Variants in NAA35 observed in about 807,000 individuals in gnomAD.
NAA35 encodes MAK10 homolog, amino-acid N-acetyltransferase subunit.
In NAA35, 18 loss-of-function variants were observed where a neutral mutation model predicts 101.7. The observed-to-expected ratio is 0.18, with a 90% CI of 0.12 to 0.26. The LOEUF (loss-of-function observed/expected upper bound fraction) is 0.26. Among genes scored for constraint, NAA35 ranks in the 10% least tolerant of loss-of-function variants. The pLI, the probability that NAA35 is intolerant of heterozygous loss-of-function variation, is 1.00. For synonymous variants in NAA35, 267 were observed against 273.1 expected, an observed-to-expected ratio of 0.98 and a Z score of 0.22; for missense variants, 601 against 886.8, an observed-to-expected ratio of 0.68 and a Z score of 4.09.
intron 18 of NAA35, 50 bp from the exon 19 acceptor site, chr9:86,017,447 GA>G: frequency 6.5e-7 from 1 of 1,537,864 alleles, no homozygotes; most frequent in Non-Finnish European, 8.9e-7. Context: ...AGTAATGCAA[GA>G]GGGAGGAGGA....
In NAA35 at chr9:85,941,537, G is replaced by C. The variant is rs1828514435; in HGVS notation, c.-6+264G>C. The C allele has an allele frequency of 9.1e-6, 9 of 985,458 alleles. No individual in the cohort carries two copies. In the South Asian group the frequency reaches 1.4e-4, roughly 15 times the overall value. 61.0% of individuals were successfully genotyped at this position (985,458 alleles called of 1,614,324 possible). Reference sequence around the variant, plus strand: ...GCGACAGCTCTGTCCTTGCTTATGCGCCCAGTGGGACCGGGGCTGGGCTGG... The same window carrying C: ...GCGACAGCTCTGTCCTTGCTTATGCCCCCAGTGGGACCGGGGCTGGGCTGG... On this transcript the variant is annotated intron_variant, in intron 1 of 22. Transcript: ENST00000361671.
rs532861826 is a variant in NAA35 at position 85,953,361 on chromosome 9, A to G, written c.125-2999A>G. ...CTTGTGAAGCTAAAATTCTCTATCCATTAAACAAACGGTAACTCTTCATCA... is the reference window on the plus strand; with the variant it reads ...CTTGTGAAGCTAAAATTCTCTATCCGTTAAACAAACGGTAACTCTTCATCA... On this transcript the variant is annotated intron_variant, in intron 2 of 22. Transcript: ENST00000361671. Among the ~76,000 whole-genome samples, 3 of 151,976 alleles carry G rather than the reference A, an allele frequency of 2.0e-5. No individual in the cohort carries two copies. In the South Asian group the frequency reaches 6.2e-4, roughly 32 times the overall value.
chr9:86,007,713 G>A (rs369958421), intron 14 of NAA35, among the ~76,000 whole-genome samples: 3 of 152,100 alleles, frequency 2.0e-5, no homozygotes, highest in Non-Finnish European at 2.9e-5. Flanking sequence ...AAACTTTGCC[G>A]TAGTAGAGGC....
chr9:85,946,978 C>T (rs1184907409), intron 2 of NAA35, among the ~76,000 whole-genome samples: 3 of 152,192 alleles, frequency 2.0e-5, no homozygotes, highest in African/African-American at 4.8e-5. Flanking sequence ...TATCTTCTCT[C>T]ACCCAGAACA....
intron 2 of NAA35, among the ~76,000 whole-genome samples, chr9:85,955,341 TATATATATATATA>T (rs1829199936): frequency 1.4e-5 from 1 of 69,694 alleles, no homozygotes; most frequent in African/African-American, 6.4e-5. Context: ...TATATATATA[TATATATATATATA>T]TATATATTTT....
intron 12 of NAA35, among the ~76,000 whole-genome samples, chr9:85,997,887 T>A (rs749564073): frequency 4.7e-4 from 72 of 152,092 alleles, no homozygotes; most frequent in Non-Finnish European, 9.1e-4. Context: ...ACATATATAT[T>A]TATGTATGTG....
Position 86,007,365 on chromosome 9 carries a change from T to C in NAA35, c.1124T>C (p.Phe375Ser), listed in dbSNP as rs145858134. ...VLSRSLLQTT[F>S]LVDNKKVFGT... ...TATAACATTTGTTTTAAGACCACTT[T>C]CCTGGTGGATAACAAAAAGGTCTTT... Residue 375 changes from phenylalanine to serine, a missense_variant, in exon 14 of 23, where the codon TTC becomes TCC. Physicochemically the swap from Phe to Ser is radical, Grantham distance 155 (BLOSUM62 -2). Coordinates refer to ENST00000361671, the MANE Select transcript of NAA35 (RefSeq NM_024635.4). The C allele has an allele frequency of 1.4e-5, 22 of 1,612,494 alleles. No homozygotes were observed. The African/African-American group carries it at 2.3e-4, about 17-fold the overall frequency.
chr9:86,017,396 A>G, intron 18 of NAA35, 102 bp from the exon 19 acceptor site: 1 of 997,420 alleles, frequency 1.0e-6, no homozygotes, highest in Non-Finnish European at 1.5e-6. Flanking sequence ...TTAATTTAGT[A>G]TACAAGCTGA....
chr9:85,953,284 A>G (rs897500416), intron 2 of NAA35, among the ~76,000 whole-genome samples: 1 of 149,220 alleles, frequency 6.7e-6, no homozygotes, highest in African/African-American at 2.5e-5. Flanking sequence ...GGTATTTAAT[A>G]CATTTGTAAT....
chr9:86,021,226 A>G (rs945393893), intron 22 of NAA35, among the ~76,000 whole-genome samples: 1 of 152,182 alleles, frequency 6.6e-6, no homozygotes, highest in Admixed American at 6.5e-5. Context: ...CTTGGGGTAA[A>G]AAAAGAAAAT....
intron 5 of NAA35, 110 bp downstream of exon 5, chr9:85,959,977 G>T: frequency 2.8e-6 from 2 of 705,708 alleles, no homozygotes; most frequent in East Asian, 2.7e-5. Context: ...TGTAATACTT[G>T]CCCTAGTAAA....
At chr9:85,941,390 T>C in intron 1 of NAA35, 117 bp downstream of exon 1, 1 of 985,370 alleles carries the variant, frequency 1.0e-6, no homozygotes, top group East Asian at 1.1e-4. Flanking sequence ...GCCCCGGCCC[T>C]CCCGCTGCGC....
At chr9:85,984,764 A>G (rs973360635) in intron 11 of NAA35, among the ~76,000 whole-genome samples, 1 of 152,230 alleles carries the variant, frequency 6.6e-6, no homozygotes, top group African/African-American at 2.4e-5. Context: ...AGACAATTCA[A>G]TGAGGAAAGA....
In NAA35 at chr9:85,958,516, C is replaced by T; in HGVS notation, c.203C>T (p.Pro68Leu). Residue 68 changes from proline (P) to leucine (L), a missense_variant, in exon 4 of 23, where the codon CCC becomes CTC. This residue lies in a region of NAA35 where 6 missense variants were observed against 23.7 expected (regional missense o/e 0.25). Transcript: ENST00000361671. ...ATGTCTGCTATTGAAATGATGGATC[C>T]CAAGATGGATGCTGGCATGATTGGA... Reference protein sequence around the residue: ...EAMSAIEMMDPKMDAGMIGNQ... With the variant: ...EAMSAIEMMDLKMDAGMIGNQ... 1 of 1,610,122 alleles carries T rather than the reference C, an allele frequency of 6.2e-7. No individual in the cohort carries two copies. Among genetic ancestry groups the T allele is most frequent in the Non-Finnish European group, 8.5e-7 (1 of 1,177,868 alleles).
intron 14 of NAA35, among the ~76,000 whole-genome samples, chr9:86,009,654 C>A (rs777815657): frequency 6.6e-6 from 1 of 151,968 alleles, no homozygotes; most frequent in Non-Finnish European, 1.5e-5. Flanking sequence ...AAATATAGAC[C>A]TATAGGAATT....
chr9:85,949,729 G>C (rs1283924461), intron 2 of NAA35, among the ~76,000 whole-genome samples: 1 of 151,540 alleles, frequency 6.6e-6, no homozygotes, highest in African/African-American at 2.4e-5. Flanking sequence ...CCTCATATCA[G>C]ATTTTTCCCT....
intron 2 of NAA35, among the ~76,000 whole-genome samples, chr9:85,946,830 C>T (rs182350516): frequency 6.6e-6 from 1 of 152,104 alleles, no homozygotes; most frequent in Non-Finnish European, 1.5e-5. Context: ...ATTATTAGCA[C>T]CATTGGTTAA....
At chr9:85,999,946 C>G (rs1393861766) in intron 12 of NAA35, among the ~76,000 whole-genome samples, 3 of 151,990 alleles carry the variant, frequency 2.0e-5, no homozygotes, top group Non-Finnish European at 4.4e-5. Context: ...CATATAAACC[C>G]ATATCTTTTC....
At chr9:85,955,352 ATATATATATT>A (rs1478244633) in intron 2 of NAA35, among the ~76,000 whole-genome samples, 5 of 61,292 alleles carry the variant, frequency 8.2e-5, no homozygotes, top group African/African-American at 5.5e-4. Flanking sequence ...ATATATATAT[ATATATATATT>A]TTTTTTTTTT....
Sources: allele counts gnomAD v4.1 joint callset (sites outside exome capture counted in the v4.1 genomes callset), GRCh38; gene constraint gnomAD v4.1.1; regional missense constraint gnomAD v4.1.1; transcripts MANE v1.5; gene names NCBI Gene and HGNC (gene_info 2026-07-23, HGNC 2026-07-21).